The following LRP1B variants were observed in gnomAD, a reference collection of about 807,000 sequenced individuals.
The protein encoded by LRP1B is LDL receptor related protein 1B.
In LRP1B, 217 loss-of-function variants were observed where a neutral mutation model predicts 556.6. The ratio of observed to expected loss-of-function variants is 0.39; its 90% CI spans 0.35 to 0.44. LRP1B has a LOEUF of 0.44. Among genes scored for constraint, LRP1B ranks in the 20% least tolerant of loss-of-function variants. LRP1B has a pLI of 1.00. For synonymous variants in LRP1B, 2,047 were observed against 1,865.8 expected (o/e 1.10, Z -2.50); for missense variants, 5,053 against 5,620.8 (o/e 0.90, Z 3.23).
At chr2:141,164,548 G>T (rs1680169645) in intron 7 of LRP1B, among the ~76,000 whole-genome samples, 1 of 152,078 alleles carries the variant, frequency 6.6e-6, no homozygotes. Context: ...TTAGAGAAGT[G>T]ATTTTTCTTA....
chr2:140,783,662 A>G (rs570280762), intron 32 of LRP1B, among the ~76,000 whole-genome samples: 1 of 152,316 alleles, frequency 6.6e-6, no homozygotes, highest in South Asian at 2.1e-4. Flanking sequence ...AGAAGCTCAG[A>G]CTAGATTAGA....
intron 84 of LRP1B, among the ~76,000 whole-genome samples, chr2:140,281,684 C>T (rs984214687): frequency 6.6e-6 from 1 of 151,812 alleles, no homozygotes; most frequent in Non-Finnish European, 1.5e-5. Flanking sequence ...TGCATTCACA[C>T]ACACAAACCA....
At chr2:141,920,474 A>G (rs912495414) in intron 1 of LRP1B, among the ~76,000 whole-genome samples, 1 of 151,976 alleles carries the variant, frequency 6.6e-6, no homozygotes, top group Non-Finnish European at 1.5e-5. Context: ...AATATTGAGG[A>G]TAAAAATTGG....
rs72992768 is a variant in LRP1B, at chr2:141,527,160, C to T, written c.206-46627G>A. On this transcript the variant is annotated intron_variant, in intron 2 of 90. Transcript: ENST00000389484. ...ATTTTATTTAGTTTTTAGGCAGAAG[C>T]TCATTGCTTTTTTCCAGGACAAGAC... Among the ~76,000 whole-genome samples the T allele has an allele frequency of 2.0e-3, 305 of 152,046 alleles. 1 individual carries two copies. The highest frequency in any genetic ancestry group is 7.0e-3 in the African/African-American group (289 of 41,510).
At chr2:140,362,988 A>T (rs918843358) in intron 72 of LRP1B, among the ~76,000 whole-genome samples, 1 of 151,632 alleles carries the variant, frequency 6.6e-6, no homozygotes, top group African/African-American at 2.4e-5. Context: ...AATGAATGAC[A>T]CCTTTTCTCA....
chr2:141,794,026 C>T (rs1188356360), intron 2 of LRP1B, among the ~76,000 whole-genome samples: 1 of 151,816 alleles, frequency 6.6e-6, no homozygotes, highest in African/African-American at 2.4e-5. Context: ...CAATAAAATG[C>T]ATTGAAAGCA....
chr2:142,116,349 T>G (rs1320658495), intron 1 of LRP1B, among the ~76,000 whole-genome samples: 1 of 152,044 alleles, frequency 6.6e-6, no homozygotes, highest in African/African-American at 2.4e-5. Context: ...AATTTCCATT[T>G]GATCATGAGA....
At chr2:141,082,679 C>A (rs1219470500) in intron 7 of LRP1B, among the ~76,000 whole-genome samples, 4 of 152,170 alleles carry the variant, frequency 2.6e-5, no homozygotes, top group Non-Finnish European at 4.4e-5. Context: ...AATCCATGAT[C>A]AGGTGTGGCA....
At chr2:140,465,717 T>C (rs1022525531) in intron 60 of LRP1B, among the ~76,000 whole-genome samples, 4 of 143,692 alleles carry the variant, frequency 2.8e-5, no homozygotes, top group African/African-American at 1.1e-4. Flanking sequence ...CTCATGACAT[T>C]TGCAAAAAAA....
chr2:140,974,399 G>T (rs925608218), intron 18 of LRP1B, among the ~76,000 whole-genome samples: 3 of 152,176 alleles, frequency 2.0e-5, no homozygotes, highest in Non-Finnish European at 4.4e-5. Context: ...AACTATGAGT[G>T]AATGGGACTG....
intron 2 of LRP1B, among the ~76,000 whole-genome samples, chr2:141,545,606 A>AGGCC (rs1188435817): frequency 5.3e-5 from 8 of 152,296 alleles, no homozygotes; most frequent in African/African-American, 1.7e-4. Flanking sequence ...GCGCTTCAGG[A>AGGCC]GGCCAAAGTG....
At chr2:141,329,754 A>T (rs959975527) in intron 3 of LRP1B, among the ~76,000 whole-genome samples, 10 of 152,016 alleles carry the variant, frequency 6.6e-5, no homozygotes, top group African/African-American at 2.4e-4. Flanking sequence ...ATGAATCGGG[A>T]TGGAGAAGGA....
intron 7 of LRP1B, among the ~76,000 whole-genome samples, chr2:141,085,865 T>A (rs1700037434): frequency 6.6e-6 from 1 of 152,220 alleles, no homozygotes; most frequent in South Asian, 2.1e-4. Context: ...CCTATTTTAA[T>A]CTAGAATAGT....
chr2:141,059,865 A>G (rs1259592601), intron 8 of LRP1B, among the ~76,000 whole-genome samples: 1 of 151,768 alleles, frequency 6.6e-6, no homozygotes, highest in Non-Finnish European at 1.5e-5. Context: ...GGCACATGCT[A>G]GGCACCTTGC....
intron 7 of LRP1B, among the ~76,000 whole-genome samples, chr2:141,145,160 A>G (rs568195601): frequency 6.6e-6 from 1 of 152,214 alleles, no homozygotes; most frequent in Non-Finnish European, 1.5e-5. Flanking sequence ...TAAACTAATG[A>G]ATGTTAATAA....
At chr2:141,971,331 AG>A in intron 1 of LRP1B, among the ~76,000 whole-genome samples, 1 of 151,354 alleles carries the variant, frequency 6.6e-6, no homozygotes, top group Non-Finnish European at 1.5e-5. Context: ...ACAGAAGAAA[AG>A]TTTCTTATAT....
intron 43 of LRP1B, among the ~76,000 whole-genome samples, chr2:140,556,485 C>T (rs1385695819): frequency 6.6e-6 from 1 of 152,068 alleles, no homozygotes; most frequent in Non-Finnish European, 1.5e-5. Context: ...CTATCCACTT[C>T]GTCATCAAAC....
At chr2:141,168,176 A>G (rs1256509303) in intron 7 of LRP1B, among the ~76,000 whole-genome samples, 2 of 152,086 alleles carry the variant, frequency 1.3e-5, no homozygotes, top group Admixed American at 6.6e-5. Flanking sequence ...GTGATATGGC[A>G]TATTTTCATC....
chr2:140,878,878 G>T (rs553348336), intron 25 of LRP1B, among the ~76,000 whole-genome samples: 1 of 151,418 alleles, frequency 6.6e-6, no homozygotes, highest in Non-Finnish European at 1.5e-5. Context: ...GTGGTGGCAC[G>T]CATCTGTAAT....
Sources: allele counts gnomAD v4.1 joint callset (sites outside exome capture counted in the v4.1 genomes callset), GRCh38; gene constraint gnomAD v4.1.1; transcripts MANE v1.5; gene names NCBI Gene and HGNC (gene_info 2026-07-23, HGNC 2026-07-21).